PARN: variants seen among roughly 807,000 people sequenced by gnomAD.
PARN encodes the protein poly(A)-specific ribonuclease PARN.
A neutral mutation model predicts 102.8 loss-of-function variants in PARN; 71 were observed. The ratio of observed to expected loss-of-function variants is 0.69; its 90% CI spans 0.57 to 0.84. The LOEUF (loss-of-function observed/expected upper bound fraction) is 0.84, where lower values mean the gene tolerates loss of function less well. Ranked by LOEUF, PARN falls within the 40% of genes least tolerant of loss-of-function variation. The probability of loss-of-function intolerance (pLI) is 0.00; values close to 1 mark genes in which losing one functional copy is unlikely to be tolerated. For missense variants in PARN, 782 were observed against 760.9 expected (o/e 1.03, Z -0.33); for synonymous variants, 261 against 252.9 (o/e 1.03, Z -0.30).
intron 23 of PARN, 31 bp downstream of exon 23, chr16:14,446,857 C>A: frequency 6.5e-7 from 1 of 1,547,980 alleles, no homozygotes; most frequent in South Asian, 1.2e-5. Flanking sequence ...TAGTCCACGG[C>A]CCCAGAACTT....
intron 12 of PARN, among the ~76,000 whole-genome samples, chr16:14,594,737 G>A (rs1033573312): frequency 1.1e-4 from 16 of 152,064 alleles, no homozygotes; most frequent in Non-Finnish European, 1.6e-4. Context: ...AGGTTACCAC[G>A]ATGGAGCTTT....
chr16:14,627,827 A>G (rs984871842), intron 3 of PARN, among the ~76,000 whole-genome samples: 3 of 152,126 alleles, frequency 2.0e-5, no homozygotes, highest in African/African-American at 4.8e-5. Context: ...TCTCTACAAA[A>G]GAATATGTAA....
intron 13 of PARN, among the ~76,000 whole-genome samples, chr16:14,592,367 G>A (rs1460760390): frequency 2.0e-5 from 3 of 152,216 alleles, no homozygotes; most frequent in Non-Finnish European, 4.4e-5. Context: ...GGATAAAGAT[G>A]TTGGTGTCTA....
At chr16:14,618,520 G>A (rs894235909) in intron 5 of PARN, among the ~76,000 whole-genome samples, 1 of 151,258 alleles carries the variant, frequency 6.6e-6, no homozygotes, top group Non-Finnish European at 1.5e-5. Context: ...AATTAGCCAG[G>A]TGTGGTGGTG....
intron 18 of PARN, among the ~76,000 whole-genome samples, chr16:14,573,904 C>CT (rs1968959432): frequency 6.6e-6 from 1 of 152,216 alleles, no homozygotes; most frequent in Non-Finnish European, 1.5e-5. Flanking sequence ...TCAGGTATGT[C>CT]TTTATCAGCA....
At chr16:14,561,031 C>T (rs1968022845) in intron 18 of PARN, among the ~76,000 whole-genome samples, 1 of 151,862 alleles carries the variant, frequency 6.6e-6, no homozygotes, top group South Asian at 2.1e-4. Flanking sequence ...GTGGCGGGTG[C>T]CTGTAATCCC....
At chr16:14,561,019 T>A (rs780329597) in intron 18 of PARN, among the ~76,000 whole-genome samples, 9 of 152,200 alleles carry the variant, frequency 5.9e-5, no homozygotes, top group Non-Finnish European at 1.3e-4. Flanking sequence ...TAGCTGGGTA[T>A]GGTGGCGGGT....
At chr16:14,544,392 T>C (rs1966862909) in intron 21 of PARN, among the ~76,000 whole-genome samples, 1 of 151,850 alleles carries the variant, frequency 6.6e-6, no homozygotes, top group Admixed American at 6.6e-5. Context: ...CTGGGCAACA[T>C]GGCAAAACCC....
At chr16:14,590,274 G>GAAAAAA (rs1212064093) in intron 13 of PARN, among the ~76,000 whole-genome samples, 5 of 69,236 alleles carry the variant, frequency 7.2e-5, no homozygotes, top group Non-Finnish European at 1.2e-4. Flanking sequence ...AAAGAGAAGA[G>GAAAAAA]AAAAAAAAAA....
At chr16:14,468,161 A>T (rs914868670) in intron 22 of PARN, among the ~76,000 whole-genome samples, 5 of 152,216 alleles carry the variant, frequency 3.3e-5, no homozygotes, top group African/African-American at 1.2e-4. Flanking sequence ...TTTTGTAAAG[A>T]GCATGAATGG....
chr16:14,549,509 C>T (rs1254518682), intron 21 of PARN, among the ~76,000 whole-genome samples: 2 of 152,090 alleles, frequency 1.3e-5, no homozygotes, highest in Non-Finnish European at 2.9e-5. Flanking sequence ...ATTAGAGTTA[C>T]CACGGAATAA....
intron 21 of PARN, among the ~76,000 whole-genome samples, chr16:14,518,418 TA>T: frequency 6.6e-6 from 1 of 152,006 alleles, no homozygotes; most frequent in South Asian, 2.1e-4. Context: ...TAAATGGGCT[TA>T]ATTTATGTGT....
chr16:14,586,999 TGA>T (rs1242065132), intron 13 of PARN, among the ~76,000 whole-genome samples: 3 of 152,246 alleles, frequency 2.0e-5, no homozygotes, highest in Non-Finnish European at 4.4e-5. Context: ...AGAGCTGAAA[TGA>T]GAGTCCTCTA....
intron 22 of PARN, among the ~76,000 whole-genome samples, chr16:14,449,422 C>T (rs747268577): frequency 6.6e-6 from 1 of 152,102 alleles, no homozygotes; most frequent in East Asian, 1.9e-4. Context: ...AAACAAAACG[C>T]GGGTGAATGC....
At chr16:14,577,623 G>A (rs981851525) in intron 18 of PARN, among the ~76,000 whole-genome samples, 21 of 151,986 alleles carry the variant, frequency 1.4e-4, no homozygotes, top group African/African-American at 2.4e-4. Flanking sequence ...CATGAGCCAC[G>A]GCACCTGGTC....
intron 22 of PARN, 117 bp from the exon 23 acceptor site, chr16:14,447,198 G>T: frequency 1.7e-6 from 1 of 578,664 alleles, no homozygotes; most frequent in South Asian, 3.4e-5. Context: ...TCAACAACAT[G>T]GGCAGCTGCT....
At chr16:14,616,822 G>A (rs960992517) in intron 6 of PARN, among the ~76,000 whole-genome samples, 2 of 152,018 alleles carry the variant, frequency 1.3e-5, no homozygotes, top group African/African-American at 4.8e-5. Flanking sequence ...ACATAAACAT[G>A]CACTAGCTGG....
At chr16:14,552,363 A>G (rs1400740733) in intron 20 of PARN, among the ~76,000 whole-genome samples, 2 of 152,240 alleles carry the variant, frequency 1.3e-5, no homozygotes, top group African/African-American at 4.8e-5. Context: ...AGATCCTTCC[A>G]GATTAAACCC....
At chr16:14,619,585 G>A (rs1972159412) in intron 5 of PARN, among the ~76,000 whole-genome samples, 1 of 151,906 alleles carries the variant, frequency 6.6e-6, no homozygotes, top group Admixed American at 6.6e-5. Context: ...AACATAGGGA[G>A]ACCCATCTCT....
Sources: allele counts gnomAD v4.1 joint callset (sites outside exome capture counted in the v4.1 genomes callset), GRCh38; gene constraint gnomAD v4.1.1; transcripts MANE v1.5; gene names NCBI Gene and HGNC (gene_info 2026-07-23, HGNC 2026-07-21).